Variants in ALS2 observed in about 807,000 individuals in gnomAD.
The protein encoded by ALS2 is alsin.
In ALS2, 117 loss-of-function variants were observed where a neutral mutation model predicts 203.4. That is an observed-to-expected ratio of 0.58 (90% CI 0.50 to 0.67). The LOEUF (loss-of-function observed/expected upper bound fraction) is 0.67. Among genes scored for constraint, ALS2 ranks in the 30% least tolerant of loss-of-function variants. ALS2 has a pLI of 0.00. For synonymous variants in ALS2, 718 were observed against 725.9 expected, an observed-to-expected ratio of 0.99 and a Z score of 0.17; for missense variants, 1,715 against 1,989.4, an observed-to-expected ratio of 0.86 and a Z score of 2.62.
At chr2:201,719,306 G>C (rs1264569922) in intron 23 of ALS2, among the ~76,000 whole-genome samples, 1 of 152,164 alleles carries the variant, frequency 6.6e-6, no homozygotes, top group Non-Finnish European at 1.5e-5. Context: ...AAAAGGGCCA[G>C]AGGGTTGGGC....
intron 11 of ALS2, 141 bp from the exon 12 acceptor site, chr2:201,738,876 G>A (rs1692058469): frequency 4.0e-6 from 3 of 742,248 alleles, no homozygotes; most frequent in Non-Finnish European, 7.0e-6. Context: ...CATTTGTGAA[G>A]GGCAGGTTGT....
chr2:201,709,735 C>T, intron 27 of ALS2, 146 bp downstream of exon 27: 1 of 964,196 alleles, frequency 1.0e-6, no homozygotes, highest in Non-Finnish European at 1.6e-6. Flanking sequence ...TTATAGCTTA[C>T]ACATACATTT....
intron 13 of ALS2, among the ~76,000 whole-genome samples, chr2:201,732,694 T>C (rs1326717561): frequency 6.6e-6 from 1 of 152,186 alleles, no homozygotes; most frequent in Non-Finnish European, 1.5e-5. Context: ...ATTTGAAAGG[T>C]GAATGTCTCA....
chr2:201,716,427 C>G (rs1690394020), intron 24 of ALS2, among the ~76,000 whole-genome samples: 1 of 151,862 alleles, frequency 6.6e-6, no homozygotes, highest in African/African-American at 2.4e-5. Context: ...GCCTGTAATC[C>G]CAGCTACTTG....
At chr2:201,751,013 C>T (rs1343027924) in intron 7 of ALS2, among the ~76,000 whole-genome samples, 1 of 151,924 alleles carries the variant, frequency 6.6e-6, no homozygotes, top group Non-Finnish European at 1.5e-5. Flanking sequence ...TCATCACGCC[C>T]GGCTAACTTC....
At chr2:201,728,922 A>C in intron 14 of ALS2, 130 bp downstream of exon 14, 2 of 1,425,044 alleles carry the variant, frequency 1.4e-6, no homozygotes, top group Non-Finnish European at 2.0e-6. Context: ...TATGGTCCTT[A>C]GACATTTTAG....
intron 7 of ALS2, among the ~76,000 whole-genome samples, chr2:201,752,627 T>C (rs952453372): frequency 1.3e-5 from 2 of 152,150 alleles, no homozygotes; most frequent in Non-Finnish European, 2.9e-5. Context: ...TATCGAAATA[T>C]GAATATATTT....
chr2:201,741,601 C>T, intron 11 of ALS2, 73 bp downstream of exon 11: 1 of 1,457,748 alleles, frequency 6.9e-7, no homozygotes, highest in Non-Finnish European at 9.6e-7. Flanking sequence ...CTAGTCTCTT[C>T]TGATTAAGGA....
At chr2:201,754,296 A>T (rs1358046275) in intron 6 of ALS2, among the ~76,000 whole-genome samples, 1 of 152,200 alleles carries the variant, frequency 6.6e-6, no homozygotes, top group East Asian at 1.9e-4. Flanking sequence ...TAAAGGTGTG[A>T]GCCACCAGGC....
chr2:201,777,127 C>G (rs1461620735), intron 1 of ALS2, among the ~76,000 whole-genome samples: 2 of 152,120 alleles, frequency 1.3e-5, no homozygotes, highest in East Asian at 3.8e-4. Context: ...GTATCTGAGT[C>G]ACAACATGTC....
At chr2:201,778,977 A>C (rs893157982) in intron 1 of ALS2, among the ~76,000 whole-genome samples, 5 of 152,166 alleles carry the variant, frequency 3.3e-5, no homozygotes, top group African/African-American at 1.2e-4. Context: ...CAAGTCAGTC[A>C]CATTTTTGAG....
At chr2:201,703,555 C>T (rs139802419) in intron 33 of ALS2, among the ~76,000 whole-genome samples, 3 of 152,166 alleles carry the variant, frequency 2.0e-5, no homozygotes, top group East Asian at 1.9e-4. Flanking sequence ...AGTGTTTTTG[C>T]ACTTTCTATC....
chr2:201,719,420 C>G (rs1197993123), intron 23 of ALS2, among the ~76,000 whole-genome samples: 1 of 152,124 alleles, frequency 6.6e-6, no homozygotes, highest in East Asian at 1.9e-4. Context: ...GAAGCCCCGT[C>G]TCTACTAAAA....
In ALS2 at chr2:201,746,939, C is replaced by CA. The variant is rs144525563; in HGVS notation, c.1816-192dup. 8.7e-4 allele frequency among the ~76,000 whole-genome samples: 132 copies of CA among 152,280 alleles called. 1 individual carries two copies. The highest frequency in any genetic ancestry group is 3.1e-3 in the African/African-American group (127 of 41,540). On this transcript the variant is annotated intron_variant, in intron 8 of 33. Coordinates refer to ENST00000264276, the MANE Select transcript of ALS2 (RefSeq NM_020919.4). ...CAGGAGTAAGACGGAATCCCTTGTTCAGCTTTTAAATTTAGAACTGTTTTT... is the reference window on the plus strand; with the variant it reads ...CAGGAGTAAGACGGAATCCCTTGTTCAAGCTTTTAAATTTAGAACTGTTTTT...
chr2:201,775,632 C>A (rs1452749493), intron 1 of ALS2, among the ~76,000 whole-genome samples: 1 of 152,066 alleles, frequency 6.6e-6, no homozygotes, highest in African/African-American at 2.4e-5. Flanking sequence ...GAAAACTCAC[C>A]TTGCACTGAA....
At chr2:201,779,194 G>C (rs41308800) in intron 1 of ALS2, among the ~76,000 whole-genome samples, 16,744 of 152,130 alleles carry the variant, frequency 0.11, 1,216 homozygotes, top group Non-Finnish European at 0.15. Flanking sequence ...GGAGAGAAGG[G>C]ATTCCTGTTT....
intron 7 of ALS2, 24 bp from the exon 8 acceptor site, chr2:201,749,813 A>T (rs1290138696): frequency 6.3e-7 from 1 of 1,597,310 alleles, no homozygotes; most frequent in South Asian, 1.1e-5. Flanking sequence ...ACAGAAAAGT[A>T]GCTAAGCGTT....
intron 25 of ALS2, among the ~76,000 whole-genome samples, chr2:201,712,320 A>G (rs192538723): frequency 2.8e-4 from 43 of 152,266 alleles, no homozygotes; most frequent in African/African-American, 1.0e-3. Flanking sequence ...CTATGTAACT[A>G]TACTTTAGTA....
intron 1 of ALS2, among the ~76,000 whole-genome samples, chr2:201,779,385 G>C (rs1694798784): frequency 6.6e-6 from 1 of 152,038 alleles, no homozygotes; most frequent in African/African-American, 2.4e-5. Flanking sequence ...GCTAATACTG[G>C]TCATAGTTTA....
Sources: allele counts gnomAD v4.1 joint callset (sites outside exome capture counted in the v4.1 genomes callset), GRCh38; gene constraint gnomAD v4.1.1; transcripts MANE v1.5; gene names NCBI Gene and HGNC (gene_info 2026-07-23, HGNC 2026-07-21).